The following NTRK3 variants were observed in gnomAD, a reference collection of about 807,000 sequenced individuals.
The protein encoded by NTRK3 is NT-3 growth factor receptor.
A neutral mutation model predicts 91.7 loss-of-function variants in NTRK3; 24 were observed. The observed-to-expected ratio is 0.26, with a 90% CI of 0.19 to 0.37. The LOEUF (loss-of-function observed/expected upper bound fraction) is 0.37. Ranked by LOEUF, NTRK3 falls within the 10% of genes least tolerant of loss-of-function variation. The pLI, the probability that NTRK3 is intolerant of heterozygous loss-of-function variation, is 1.00. For synonymous variants in NTRK3, 483 were observed against 404.0 expected (o/e 1.20, Z -2.34); for missense variants, 880 against 1,068.9 (o/e 0.82, Z 2.46).
At chr15:87,985,994 T>C (rs900636581) in intron 14 of NTRK3, among the ~76,000 whole-genome samples, 1 of 152,136 alleles carries the variant, frequency 6.6e-6, no homozygotes, top group Non-Finnish European at 1.5e-5. Context: ...ATCCTTCCAC[T>C]CCATAACATG....
At chr15:88,251,463 T>C (rs1231148002) in intron 3 of NTRK3, among the ~76,000 whole-genome samples, 1 of 152,226 alleles carries the variant, frequency 6.6e-6, no homozygotes, top group African/African-American at 2.4e-5. Flanking sequence ...CAAGGTGGGA[T>C]TCACATGATC....
At chr15:88,104,081 C>G (rs1297529687) in intron 13 of NTRK3, among the ~76,000 whole-genome samples, 2 of 152,166 alleles carry the variant, frequency 1.3e-5, no homozygotes, top group Non-Finnish European at 2.9e-5. Flanking sequence ...TGCTTTGCCT[C>G]CAAAAGCAGA....
chr15:87,918,481 T>A (rs1405373714), intron 17 of NTRK3, among the ~76,000 whole-genome samples: 1 of 152,216 alleles, frequency 6.6e-6, no homozygotes, highest in African/African-American at 2.4e-5. Context: ...GCTTCCTCCA[T>A]GACTTTGCTC....
At chr15:88,041,205 C>A (rs559744816) in intron 13 of NTRK3, among the ~76,000 whole-genome samples, 2 of 152,198 alleles carry the variant, frequency 1.3e-5, no homozygotes, top group Admixed American at 6.5e-5. Flanking sequence ...GACCAGCCCA[C>A]ATAAAATAGC....
intron 16 of NTRK3, among the ~76,000 whole-genome samples, chr15:87,932,569 C>T (rs2068899166): frequency 6.6e-6 from 1 of 152,142 alleles, no homozygotes; most frequent in Non-Finnish European, 1.5e-5. Flanking sequence ...TACTCATCAT[C>T]AAAAAGTCTC....
At chr15:87,883,043 G>C (rs1249323437) in intron 17 of NTRK3, among the ~76,000 whole-genome samples, 1 of 151,524 alleles carries the variant, frequency 6.6e-6, no homozygotes, top group Non-Finnish European at 1.5e-5. Context: ...AAATGGAAGA[G>C]TGCTAAAAAT....
chr15:87,904,125 T>C (rs1441398451), intron 17 of NTRK3, among the ~76,000 whole-genome samples: 2 of 151,634 alleles, frequency 1.3e-5, no homozygotes, highest in African/African-American at 4.9e-5. Flanking sequence ...GACCAAGACA[T>C]GCCCTGCTAG....
chr15:88,041,344 C>G (rs1440927149), intron 13 of NTRK3, among the ~76,000 whole-genome samples: 2 of 152,196 alleles, frequency 1.3e-5, no homozygotes, highest in African/African-American at 2.4e-5. Flanking sequence ...ATCTCACTTC[C>G]CAACTCAGAA....
rs536631107 is a variant in NTRK3, at chr15:88,087,815, G to A, written c.1396+38456C>T. 2.6e-5 allele frequency among the ~76,000 whole-genome samples: 4 copies of A among 152,280 alleles called. No homozygotes were observed. The South Asian group carries it at 6.2e-4, about 24-fold the overall frequency. ...TGTAATCCCAGCACTTTGGGAGGTCGAGGTGGGTGGATCACCTGAGGTCAG... is the reference window on the plus strand; with the variant it reads ...TGTAATCCCAGCACTTTGGGAGGTCAAGGTGGGTGGATCACCTGAGGTCAG... On this transcript the variant is annotated intron_variant, in intron 13 of 18. Coordinates refer to ENST00000394480, the Ensembl canonical transcript of NTRK3.
At chr15:88,115,733 T>C (rs11636250) in intron 13 of NTRK3, among the ~76,000 whole-genome samples, 35,126 of 151,968 alleles carry the variant, frequency 0.23, 4,261 homozygotes, top group Non-Finnish European at 0.25. Flanking sequence ...GGGCAGGCTT[T>C]CAGTGTGAAT....
At chr15:87,964,740 A>G (rs1208019844) in intron 14 of NTRK3, among the ~76,000 whole-genome samples, 3 of 152,178 alleles carry the variant, frequency 2.0e-5, no homozygotes, top group Non-Finnish European at 4.4e-5. Flanking sequence ...GGCATCATAG[A>G]AAATGGGATG....
chr15:88,013,358 A>G (rs1373533374), intron 14 of NTRK3, among the ~76,000 whole-genome samples: 3 of 152,230 alleles, frequency 2.0e-5, no homozygotes, highest in African/African-American at 7.2e-5. Flanking sequence ...AGCTCTGTGC[A>G]CAGTGGACCA....
intron 14 of NTRK3, among the ~76,000 whole-genome samples, chr15:88,031,562 C>T (rs1318255449): frequency 1.3e-5 from 2 of 152,166 alleles, no homozygotes; most frequent in Non-Finnish European, 2.9e-5. Flanking sequence ...TGGTTCAGAA[C>T]CCAGATGTCC....
chr15:88,020,060 TG>T (rs369017412), intron 14 of NTRK3, among the ~76,000 whole-genome samples: 70 of 152,334 alleles, frequency 4.6e-4, no homozygotes, highest in African/African-American at 1.7e-3. Flanking sequence ...AGACAGACAT[TG>T]AAGCCCTAAC....
At chr15:87,902,537 A>G (rs975731658) in intron 17 of NTRK3, among the ~76,000 whole-genome samples, 2 of 152,188 alleles carry the variant, frequency 1.3e-5, no homozygotes, top group African/African-American at 4.8e-5. Context: ...TTATGGAAAG[A>G]AGTCAGAGTA....
At chr15:87,945,810 A>C (rs1363390452) in intron 14 of NTRK3, among the ~76,000 whole-genome samples, 16 of 150,688 alleles carry the variant, frequency 1.1e-4, no homozygotes, top group South Asian at 4.2e-4. Context: ...TGGGAAAAAA[A>C]AAAAAAAAAA....
chr15:88,183,396 C>A (rs1050167291), intron 5 of NTRK3, 22 bp downstream of exon 5: 1 of 1,613,236 alleles, frequency 6.2e-7, no homozygotes, highest in African/African-American at 1.3e-5. Flanking sequence ...GCCCCCAATC[C>A]CTGCAGCCCA....
At chr15:87,962,152 T>G (rs1434465647) in intron 14 of NTRK3, among the ~76,000 whole-genome samples, 1 of 152,180 alleles carries the variant, frequency 6.6e-6, no homozygotes, top group Non-Finnish European at 1.5e-5. Context: ...ACACCCAGCT[T>G]TTTTCTCCCT....
intron 13 of NTRK3, among the ~76,000 whole-genome samples, chr15:88,096,418 G>T (rs1015992920): frequency 6.6e-6 from 1 of 152,158 alleles, no homozygotes; most frequent in African/African-American, 2.4e-5. Context: ...CACTGGAGAA[G>T]ACCCTACTTC....
Sources: gnomAD v4.1 joint callset for allele counts (sites outside exome capture counted in the v4.1 genomes callset) on GRCh38, gnomAD v4.1.1 for gene constraint, MANE v1.5 for transcripts, NCBI Gene and HGNC (gene_info 2026-07-23, HGNC 2026-07-21) for gene names.